Variants in DNAAF9 observed in about 807,000 individuals in gnomAD.
DNAAF9 encodes the protein dynein axonemal assembly factor 9.
Under a neutral mutation model 167.0 loss-of-function variants are expected in DNAAF9, and 90 were observed. The observed-to-expected ratio is 0.54, with a 90% CI of 0.45 to 0.64. DNAAF9 has a LOEUF of 0.64. DNAAF9 is among the 30% of genes least tolerant of loss of function. The probability of loss-of-function intolerance (pLI) is 0.00; values close to 1 mark genes in which losing one functional copy is unlikely to be tolerated. For synonymous variants in DNAAF9, 491 were observed against 508.8 expected (o/e 0.96, Z 0.47); for missense variants, 1,315 against 1,442.2 (o/e 0.91, Z 1.43).
chr20:3,253,920 T>C, intron 35 of DNAAF9, 101 bp from the exon 36 acceptor site: 1 of 719,250 alleles, frequency 1.4e-6, no homozygotes, highest in South Asian at 1.6e-5. Context: ...GATAGACTAC[T>C]CTGCTATACA....
At chr20:3,253,413 C>T (rs1439582666) in intron 36 of DNAAF9, among the ~76,000 whole-genome samples, 1 of 152,190 alleles carries the variant, frequency 6.6e-6, no homozygotes, top group East Asian at 1.9e-4. Context: ...TGCACTCCAG[C>T]CTGGGCAGCA....
intron 1 of DNAAF9, among the ~76,000 whole-genome samples, chr20:3,388,970 TTTG>T (rs1314086145): frequency 6.6e-6 from 1 of 152,166 alleles, no homozygotes; most frequent in Non-Finnish European, 1.5e-5. Flanking sequence ...TTTTTCTTGT[TTTG>T]TTTTGTTTTT....
chr20:3,349,192 C>CAA (rs148023287), intron 7 of DNAAF9, among the ~76,000 whole-genome samples: 725 of 38,680 alleles, frequency 0.019, 85 homozygotes, highest in Non-Finnish European at 0.023. Flanking sequence ...TCGTCTCTAC[C>CAA]AAAAAAAAAA....
At chr20:3,306,539 T>C (rs915131440) in intron 20 of DNAAF9, among the ~76,000 whole-genome samples, 1 of 152,200 alleles carries the variant, frequency 6.6e-6, no homozygotes. Flanking sequence ...ATGAGAAAAC[T>C]CAAGCTTAGA....
At chr20:3,368,910 T>G (rs1287315820) in intron 6 of DNAAF9, among the ~76,000 whole-genome samples, 2 of 151,688 alleles carry the variant, frequency 1.3e-5, no homozygotes, top group African/African-American at 4.8e-5. Context: ...AGAAGGCAGA[T>G]CACCTGAGGT....
chr20:3,306,358 A>C (rs927957306), intron 20 of DNAAF9, among the ~76,000 whole-genome samples: 10 of 152,110 alleles, frequency 6.6e-5, no homozygotes, highest in African/African-American at 2.4e-4. Context: ...TCTCATCCAC[A>C]TCAAGGGCAG....
chr20:3,362,273 A>G (rs2083374264), intron 6 of DNAAF9: 2 of 1,289,538 alleles, frequency 1.6e-6, no homozygotes, highest in Admixed American at 1.7e-5. Context: ...AGTTCTTCCA[A>G]CAGTTGGAAA....
At chr20:3,293,102 G>C (rs2068992448) in intron 25 of DNAAF9, among the ~76,000 whole-genome samples, 1 of 150,932 alleles carries the variant, frequency 6.6e-6, no homozygotes, top group East Asian at 1.9e-4. Context: ...GACCATCCTG[G>C]CTAACACGGT....
intron 8 of DNAAF9, among the ~76,000 whole-genome samples, chr20:3,344,412 A>G (rs2070150176): frequency 6.6e-6 from 1 of 152,196 alleles, no homozygotes; most frequent in Admixed American, 6.5e-5. Flanking sequence ...AGAAGACAAT[A>G]AAAACCACCT....
chr20:3,332,232 G>C (rs1484567283), intron 11 of DNAAF9, 48 bp downstream of exon 11: 2 of 964,190 alleles, frequency 2.1e-6, no homozygotes, highest in East Asian at 2.4e-5. Flanking sequence ...TCATGGGACA[G>C]ACTATTCATT....
At chr20:3,328,751 C>T (rs2069762969) in intron 12 of DNAAF9, among the ~76,000 whole-genome samples, 1 of 152,084 alleles carries the variant, frequency 6.6e-6, no homozygotes, top group African/African-American at 2.4e-5. Flanking sequence ...GAAAGGAAAC[C>T]CACAAAAGAA....
chr20:3,257,231 G>C lies in DNAAF9; in HGVS notation c.3056-1020C>G, dbSNP rs539216621. On this transcript the variant is annotated intron_variant, in intron 33 of 36. Coordinates refer to ENST00000252032, the MANE Select transcript of DNAAF9 (RefSeq NM_001009984.3). ...AATAGCAGATCTAAATAAACAAGAG[G>C]CTGGGTGTGGTGGCTAATACCTTAA... Among the ~76,000 whole-genome samples the C allele has an allele frequency of 2.6e-5, 4 of 152,140 alleles. No individual in the cohort carries two copies. The South Asian group carries it at 8.3e-4, about 32-fold the overall frequency.
intron 6 of DNAAF9, among the ~76,000 whole-genome samples, chr20:3,367,932 T>C (rs79661144): frequency 0.015 from 2,106 of 136,592 alleles, 55 homozygotes; most frequent in African/African-American, 0.055. Flanking sequence ...AAAAAAGCAA[T>C]ATCTACAAAG....
chr20:3,352,758 G>A (rs2070348451), intron 7 of DNAAF9, among the ~76,000 whole-genome samples: 1 of 151,928 alleles, frequency 6.6e-6, no homozygotes, highest in Non-Finnish European at 1.5e-5. Context: ...CTCTACTGCA[G>A]GTCGGCCCAA....
chr20:3,260,356 A>T (rs539337015), intron 31 of DNAAF9, among the ~76,000 whole-genome samples: 10 of 152,314 alleles, frequency 6.6e-5, no homozygotes, highest in South Asian at 2.1e-4. Context: ...AAAAAAAAAA[A>T]TTTTAAGTAC....
At chr20:3,398,198 A>G (rs2083937303) in intron 1 of DNAAF9, among the ~76,000 whole-genome samples, 1 of 152,196 alleles carries the variant, frequency 6.6e-6, no homozygotes, top group African/African-American at 2.4e-5. Flanking sequence ...CTTGGGGAAG[A>G]TATATTCGTA....
chr20:3,319,215 A>T, intron 16 of DNAAF9, among the ~76,000 whole-genome samples: 1 of 140,194 alleles, frequency 7.1e-6, no homozygotes, highest in East Asian at 2.2e-4. Context: ...GTGATCTATG[A>T]TCATGCCACT....
intron 1 of DNAAF9, among the ~76,000 whole-genome samples, chr20:3,405,409 A>G (rs1264043122): frequency 6.6e-6 from 1 of 152,232 alleles, no homozygotes; most frequent in East Asian, 1.9e-4. Context: ...GGAAAGTGCT[A>G]GTAACATTCA....
chr20:3,376,188 G>C lies in DNAAF9; in HGVS notation c.398C>G (p.Thr133Ser), dbSNP rs1231897332. The C allele has an allele frequency of 7.4e-6, 12 of 1,612,870 alleles. No individual in the cohort carries two copies. The highest frequency in any genetic ancestry group is 1.0e-5 in the Non-Finnish European group (12 of 1,179,682). The change falls in exon 4 of 37, where the codon ACC (threonine) becomes AGC (serine). Residue 133 changes from threonine (T) to serine (S), a missense_variant. Transcript: ENST00000252032. Reference sequence around the variant, plus strand: ...CTCTTTTCTTCTTACCTCATTTTCGGTCATGCAGTGGAAATGCAGATTTCT... The same window carrying C: ...CTCTTTTCTTCTTACCTCATTTTCGCTCATGCAGTGGAAATGCAGATTTCT... ...HWRNLHFHCM[T>S]ENEYEDEEAA...
Sources: allele counts gnomAD v4.1 joint callset (sites outside exome capture counted in the v4.1 genomes callset), GRCh38; gene constraint gnomAD v4.1.1; transcripts MANE v1.5; gene names NCBI Gene and HGNC (gene_info 2026-07-23, HGNC 2026-07-21).